Variants in CCDC178 observed in about 807,000 individuals in gnomAD.
CCDC178 encodes the protein coiled-coil domain-containing protein 178.
Under a neutral mutation model 117.4 loss-of-function variants are expected in CCDC178, and 126 were observed. The observed-to-expected ratio is 1.07, with a 90% CI of 0.93 to 1.24. CCDC178 has a LOEUF of 1.24. CCDC178 is among the 50% of genes most tolerant of loss of function. CCDC178 has a pLI of 0.00. For synonymous variants in CCDC178, 283 were observed against 313.4 expected (o/e 0.90, Z 1.02); for missense variants, 1,030 against 986.9 (o/e 1.04, Z -0.59).
intron 20 of CCDC178, among the ~76,000 whole-genome samples, chr18:33,175,893 C>T (rs2058659105): frequency 6.6e-6 from 1 of 152,128 alleles, no homozygotes. Context: ...ATGTCTATTG[C>T]TTTTTCTGGA....
At chr18:33,281,634 T>C (rs1019199753) in intron 12 of CCDC178, among the ~76,000 whole-genome samples, 1 of 152,186 alleles carries the variant, frequency 6.6e-6, no homozygotes, top group African/African-American at 2.4e-5. Context: ...TTCATAAAGA[T>C]GTCTTCTTAA....
chr18:33,328,406 T>C (rs1031697023), intron 10 of CCDC178, among the ~76,000 whole-genome samples: 1 of 152,104 alleles, frequency 6.6e-6, no homozygotes, highest in African/African-American at 2.4e-5. Context: ...TGGCTATCCA[T>C]AGGTTTTCTT....
intron 20 of CCDC178, among the ~76,000 whole-genome samples, chr18:33,115,707 A>G (rs2057848419): frequency 6.6e-6 from 1 of 151,884 alleles, no homozygotes; most frequent in Non-Finnish European, 1.5e-5. Flanking sequence ...GCTGATAGTC[A>G]CTATAGACCA....
chr18:33,219,178 C>G (rs2059202423), intron 18 of CCDC178, among the ~76,000 whole-genome samples: 1 of 151,874 alleles, frequency 6.6e-6, no homozygotes, highest in Admixed American at 6.6e-5. Flanking sequence ...TGAAAAAATG[C>G]TCATCATCAC....
intron 20 of CCDC178, among the ~76,000 whole-genome samples, chr18:33,198,942 C>T (rs2058963697): frequency 6.6e-6 from 1 of 152,110 alleles, no homozygotes; most frequent in Admixed American, 6.6e-5. Flanking sequence ...ATGTGCTTTA[C>T]TGCAACAATC....
intron 21 of CCDC178, among the ~76,000 whole-genome samples, chr18:33,010,377 C>T (rs868741880): frequency 6.6e-6 from 1 of 152,132 alleles, no homozygotes; most frequent in Non-Finnish European, 1.5e-5. Flanking sequence ...TATGAAGTCA[C>T]TGTCACCATT....
chr18:33,405,457 T>A (rs2063768415), intron 3 of CCDC178, among the ~76,000 whole-genome samples: 1 of 151,842 alleles, frequency 6.6e-6, no homozygotes, highest in African/African-American at 2.4e-5. Context: ...CTTTGGAATC[T>A]ACATAAGAAT....
chr18:33,000,604 A>C (rs1458461202), intron 21 of CCDC178, among the ~76,000 whole-genome samples: 1 of 152,236 alleles, frequency 6.6e-6, no homozygotes, highest in Non-Finnish European at 1.5e-5. Flanking sequence ...AACAAATAGC[A>C]TACAATGGAG....
Position 33,059,353 on chromosome 18 carries a change from T to C in CCDC178, c.2388+33408A>G, listed in dbSNP as rs138653051. Among the ~76,000 whole-genome samples, 261 of 152,230 alleles carry C rather than the reference T, an allele frequency of 1.7e-3. 2 individuals carry two copies. Among genetic ancestry groups the C allele is most frequent in the African/African-American group, 6.0e-3 (251 of 41,548 alleles). Reference sequence around the variant, plus strand: ...ATTCTAATATGATATTGATAACTGCTTACTCTGCATCGTCACTTCCTCAAA... The same window carrying C: ...ATTCTAATATGATATTGATAACTGCCTACTCTGCATCGTCACTTCCTCAAA... On this transcript the variant is annotated intron_variant, in intron 21 of 22. Transcript: ENST00000383096.
chr18:33,062,973 G>C (rs2144967699), intron 21 of CCDC178, among the ~76,000 whole-genome samples: 1 of 152,288 alleles, frequency 6.6e-6, no homozygotes, highest in South Asian at 2.1e-4. Flanking sequence ...GATAAAGGGA[G>C]CTGGAGCCCG....
At chr18:33,088,916 C>T (rs973540790) in intron 21 of CCDC178, among the ~76,000 whole-genome samples, 11 of 152,160 alleles carry the variant, frequency 7.2e-5, no homozygotes, top group African/African-American at 2.7e-4. Flanking sequence ...TGTTAAATCA[C>T]TAAGCCACTC....
chr18:33,036,679 A>C (rs1164091965), intron 21 of CCDC178, among the ~76,000 whole-genome samples: 1 of 151,954 alleles, frequency 6.6e-6, no homozygotes, highest in Non-Finnish European at 1.5e-5. Context: ...TCTACAGTGT[A>C]AAGATGGATG....
intron 4 of CCDC178, among the ~76,000 whole-genome samples, chr18:33,393,421 T>C (rs369414485): frequency 6.6e-6 from 1 of 152,136 alleles, no homozygotes; most frequent in Admixed American, 6.5e-5. Flanking sequence ...ATTTAATGCA[T>C]TTTGATAAGT....
intron 21 of CCDC178, among the ~76,000 whole-genome samples, chr18:32,998,449 A>T (rs1384305766): frequency 6.6e-6 from 1 of 152,086 alleles, no homozygotes; most frequent in Non-Finnish European, 1.5e-5. Context: ...TGCTCGGCTC[A>T]GAGATAATGG....
At chr18:33,352,188 C>T (rs915309439) in intron 7 of CCDC178, among the ~76,000 whole-genome samples, 17 of 152,042 alleles carry the variant, frequency 1.1e-4, no homozygotes, top group African/African-American at 4.1e-4. Flanking sequence ...CTTTCATCTT[C>T]GTTATTTAGT....
At chr18:33,382,839 G>C (rs1212428937) in intron 5 of CCDC178, among the ~76,000 whole-genome samples, 1 of 152,162 alleles carries the variant, frequency 6.6e-6, no homozygotes, top group Non-Finnish European at 1.5e-5. Flanking sequence ...CACTCACATG[G>C]AAAGGGGGCT....
At chr18:33,091,354 T>TTTTTTTTTTA in intron 21 of CCDC178, among the ~76,000 whole-genome samples, 1 of 131,816 alleles carries the variant, frequency 7.6e-6, no homozygotes, top group African/African-American at 3.1e-5. Context: ...TTTTTTTTTT[T>TTTTTTTTTTA]GAGACGGAGT....
chr18:32,962,108 TCTCA>T (rs2054716288), intron 22 of CCDC178, among the ~76,000 whole-genome samples: 1 of 151,978 alleles, frequency 6.6e-6, no homozygotes, highest in Non-Finnish European at 1.5e-5. Flanking sequence ...AATATACATC[TCTCA>T]CTTAGTCTCC....
intron 20 of CCDC178, among the ~76,000 whole-genome samples, chr18:33,106,535 G>T (rs889554743): frequency 1.3e-5 from 2 of 151,618 alleles, no homozygotes; most frequent in Non-Finnish European, 3.0e-5. Flanking sequence ...AACACTTATG[G>T]ACACTATCTG....
Sources: gnomAD v4.1 joint callset for allele counts (sites outside exome capture counted in the v4.1 genomes callset) on GRCh38, gnomAD v4.1.1 for gene constraint, MANE v1.5 for transcripts, NCBI Gene and HGNC (gene_info 2026-07-23, HGNC 2026-07-21) for gene names.